GLTP: variants seen among roughly 807,000 people sequenced by gnomAD.
GLTP encodes glycolipid transfer protein.
GLTP carries 22 observed loss-of-function variants against 24.0 expected under a neutral mutation model. That is an observed-to-expected ratio of 0.92 (90% CI 0.65 to 1.31). The LOEUF is 1.31. Ranked by LOEUF, GLTP falls within the 50% of genes most tolerant of loss-of-function variation. GLTP has a pLI of 0.00. For missense variants in GLTP, 224 were observed against 276.6 expected, an observed-to-expected ratio of 0.81 and a Z score of 1.35; for synonymous variants, 92 against 115.9, an observed-to-expected ratio of 0.79 and a Z score of 1.33.
rs780301924 is a variant in GLTP at position 109,852,628 on chromosome 12, T to C, written c.557A>G (p.Asn186Ser). The C allele has an allele frequency of 2.5e-6, 4 of 1,606,420 alleles. No homozygotes were observed. The highest frequency in any genetic ancestry group is 3.4e-6 in the Non-Finnish European group (4 of 1,173,014). ...GATGACATCGATGGTCGCCGTGTAG[T>C]TGACTAGGAAGAGGCGGATCTTCTC... ...CLEKIRLFLVNYTATIDVIYE... is the reference protein window; with the variant it reads ...CLEKIRLFLVSYTATIDVIYE... The change falls in exon 5 of 5, where the codon AAC becomes AGC. Residue 186 changes from asparagine (N) to serine (S), a missense_variant. Physicochemically the swap from Asn to Ser is conservative, Grantham distance 46 (BLOSUM62 1). Coordinates refer to ENST00000318348, the MANE Select transcript of GLTP (RefSeq NM_016433.4).
At position 109,859,158 on chromosome 12, in the gene GLTP, C is replaced by T. The variant is rs148991449; in HGVS notation, c.104-417G>A. Among the ~76,000 whole-genome samples the T allele has an allele frequency of 4.6e-3, 693 of 152,260 alleles. 5 individuals carry two copies. Among genetic ancestry groups the T allele is most frequent in the African/African-American group, 0.016 (670 of 41,542 alleles). On this transcript the variant is annotated intron_variant, in intron 1 of 4. Coordinates refer to ENST00000318348, the MANE Select transcript of GLTP (RefSeq NM_016433.4). Reference sequence around the variant, plus strand: ...CAGCCTCGACCTCCTGGGTTCAAGCCATCCTCCCACCTCAGCCTCTGGAGT... The same window carrying T: ...CAGCCTCGACCTCCTGGGTTCAAGCTATCCTCCCACCTCAGCCTCTGGAGT...
intron 1 of GLTP, among the ~76,000 whole-genome samples, chr12:109,879,919 G>A (rs957710408): frequency 2.0e-4 from 30 of 152,112 alleles, no homozygotes; most frequent in Non-Finnish European, 1.8e-4. Flanking sequence ...GGGGCAGGAG[G>A]CTTTGGGGGA....
chr12:109,851,727 A>C lies in GLTP; in HGVS notation c.*828T>G, dbSNP rs1347365983. 1 of 151,810 alleles carries C rather than the reference A, an allele frequency of 6.6e-6. No individual in the cohort carries two copies. Among genetic ancestry groups the C allele is most frequent in the Non-Finnish European group, 1.5e-5 (1 of 68,020 alleles). The allele number at this position is 151,810 out of a possible 1,614,324, so 9.4% of individuals were successfully genotyped here. On this transcript the variant is annotated 3_prime_UTR_variant, in exon 5 of 5. Coordinates refer to ENST00000318348, the MANE Select transcript of GLTP (RefSeq NM_016433.4). ...GCGATTCTCCTGCCTCAGCCTCCCA[A>C]GAAGATGGGATTACAGGCGTGCGCT...
intron 1 of GLTP, among the ~76,000 whole-genome samples, chr12:109,869,602 A>G (rs546261633): frequency 3.4e-5 from 5 of 148,554 alleles, no homozygotes; most frequent in African/African-American, 9.8e-5. Flanking sequence ...ACTATAGGCA[A>G]GCACCACCAC....
intron 1 of GLTP, among the ~76,000 whole-genome samples, chr12:109,862,789 C>T (rs991811209): frequency 1.4e-4 from 22 of 151,826 alleles, no homozygotes; most frequent in Non-Finnish European, 3.2e-4. Flanking sequence ...CAGTGGCTCA[C>T]GCCTATAATC....
chr12:109,875,380 T>C (rs1043908821), intron 1 of GLTP, among the ~76,000 whole-genome samples: 2 of 152,066 alleles, frequency 1.3e-5, no homozygotes, highest in African/African-American at 4.8e-5. Context: ...GGCAAGAGTA[T>C]GACAATACTG....
intron 4 of GLTP, among the ~76,000 whole-genome samples, chr12:109,854,485 G>A (rs1357926450): frequency 6.6e-6 from 1 of 151,956 alleles, no homozygotes; most frequent in Admixed American, 6.6e-5. Flanking sequence ...TCTTTGAGTA[G>A]TGCCTATTTT....
chr12:109,880,415 C>G lies in GLTP; in HGVS notation c.-41G>C. 4.3e-5 allele frequency: 32 copies of G among 737,548 alleles called. No homozygotes were observed. Among genetic ancestry groups the G allele is most frequent in the East Asian group, 5.9e-5 (1 of 17,028 alleles). 45.7% of individuals were successfully genotyped at this position (737,548 alleles called of 1,614,324 possible). On this transcript the variant is annotated 5_prime_UTR_variant, in exon 1 of 5. Coordinates refer to ENST00000318348, the MANE Select transcript of GLTP (RefSeq NM_016433.4). The surrounding 1 kb of genome is among the most constrained non-coding windows in gnomAD (Gnocchi z 5.1). ...CGCGGTGATGCCCCAGCCGGCGCCG[C>G]GGGCGTCGACACCGCCCCCCCGGCC...
chr12:109,853,948 T>G (rs970872286), intron 4 of GLTP, among the ~76,000 whole-genome samples: 1 of 150,680 alleles, frequency 6.6e-6, no homozygotes. Context: ...TTTACTATAT[T>G]GGCCAGGCTG....
chr12:109,867,439 G>A (rs1022425362), intron 1 of GLTP, among the ~76,000 whole-genome samples: 8 of 152,114 alleles, frequency 5.3e-5, no homozygotes, highest in African/African-American at 1.9e-4. Context: ...GTGAGCTACC[G>A]TGCCCAGCCA....
At chr12:109,864,635 C>G (rs1868470923) in intron 1 of GLTP, among the ~76,000 whole-genome samples, 1 of 152,116 alleles carries the variant, frequency 6.6e-6, no homozygotes, top group Admixed American at 6.6e-5. Context: ...GGTTACACTC[C>G]AGGGAGTGCC....
chr12:109,879,802 G>T (rs975854836), intron 1 of GLTP, among the ~76,000 whole-genome samples: 1 of 152,124 alleles, frequency 6.6e-6, no homozygotes, highest in African/African-American at 2.4e-5. Flanking sequence ...TGAGGGAGAG[G>T]CTGGAAGCGT....
At chr12:109,860,361 A>G (rs1340518651) in intron 1 of GLTP, 1 of 214,622 alleles carries the variant, frequency 4.7e-6, no homozygotes, top group African/African-American at 2.3e-5. Context: ...TATGAAATAC[A>G]CTCCTGGACT....
intron 1 of GLTP, among the ~76,000 whole-genome samples, chr12:109,865,457 A>T (rs1004079326): frequency 6.6e-6 from 1 of 152,088 alleles, no homozygotes; most frequent in African/African-American, 2.4e-5. Context: ...TGAAACCCCC[A>T]TCTGTACTAA....
Position 109,855,540 on chromosome 12 carries a change from G to A in GLTP, c.447+79C>T. 7.7e-7 allele frequency: 1 copy of A among 1,299,760 alleles called. No individual in the cohort carries two copies. The highest frequency in any genetic ancestry group is 1.1e-6 in the Non-Finnish European group (1 of 945,846). 80.5% of individuals were successfully genotyped at this position (1,299,760 alleles called of 1,614,324 possible). A position where few individuals can be genotyped will look rare whatever the true frequency, so the allele number is the denominator to read the frequency against. On this transcript the variant is annotated intron_variant, in intron 4 of 4. Transcript: ENST00000318348. The surrounding 1 kb of genome is among the most constrained non-coding windows in gnomAD (Gnocchi z 4.1). ...GTAAACACAGCCTCACAGGCCAGGAGGCCTCGGCTAAGCAGGGGCAGAGTG... is the reference window on the plus strand; with the variant it reads ...GTAAACACAGCCTCACAGGCCAGGAAGCCTCGGCTAAGCAGGGGCAGAGTG...
chr12:109,864,179 G>A (rs779506933), intron 1 of GLTP, among the ~76,000 whole-genome samples: 7 of 152,194 alleles, frequency 4.6e-5, no homozygotes, highest in Non-Finnish European at 8.8e-5. Flanking sequence ...CCTAGCAGAA[G>A]AGAGGGGAGG....
intron 1 of GLTP, among the ~76,000 whole-genome samples, chr12:109,876,622 G>A (rs1051926861): frequency 6.7e-6 from 1 of 148,332 alleles, no homozygotes; most frequent in Non-Finnish European, 1.5e-5. Context: ...GGAAGGGAGG[G>A]GGAGGGAGGG....
chr12:109,852,930 GAC>G (rs1176704471), intron 4 of GLTP, among the ~76,000 whole-genome samples, 193 bp from the exon 5 acceptor site: 2 of 150,648 alleles, frequency 1.3e-5, no homozygotes, highest in African/African-American at 4.9e-5. Flanking sequence ...CAGCTTTCGG[GAC>G]AGACAAGCCT....
At chr12:109,863,143 C>A (rs979770502) in intron 1 of GLTP, among the ~76,000 whole-genome samples, 1 of 152,168 alleles carries the variant, frequency 6.6e-6, no homozygotes, top group Non-Finnish European at 1.5e-5. Context: ...TAGATAGGCA[C>A]AGTAAAATAT....
Sources: gnomAD v4.1 joint callset for allele counts (sites outside exome capture counted in the v4.1 genomes callset) on GRCh38, gnomAD v4.1.1 for gene constraint, Gnocchi (gnomAD v3.1) non-coding constraint, MANE v1.5 for transcripts, NCBI Gene and HGNC (gene_info 2026-07-23, HGNC 2026-07-21) for gene names.